GRID2: variants seen among roughly 807,000 people sequenced by gnomAD.
GRID2 encodes glutamate receptor ionotropic, delta-2.
A neutral mutation model predicts 114.8 loss-of-function variants in GRID2; 33 were observed. The ratio of observed to expected loss-of-function variants is 0.29; its 90% CI spans 0.22 to 0.38. GRID2 has a LOEUF of 0.38. Among genes scored for constraint, GRID2 ranks in the 10% least tolerant of loss-of-function variants. The probability of loss-of-function intolerance (pLI) is 1.00; values close to 1 mark genes in which losing one functional copy is unlikely to be tolerated. For synonymous variants in GRID2, 505 were observed against 449.9 expected, an observed-to-expected ratio of 1.12 and a Z score of -1.55; for missense variants, 1,184 against 1,257.7, an observed-to-expected ratio of 0.94 and a Z score of 0.89.
chr4:92,306,032 TACAC>T (rs1192592429), intron 1 of GRID2, among the ~76,000 whole-genome samples: 1 of 152,146 alleles, frequency 6.6e-6, no homozygotes, highest in African/African-American at 2.4e-5. Flanking sequence ...CGCATACACA[TACAC>T]ACACGCACGT....
chr4:93,778,923 C>A (rs1297182634), downstream of GRID2, among the ~76,000 whole-genome samples: 2 of 151,956 alleles, frequency 1.3e-5, no homozygotes, highest in African/African-American at 4.8e-5. Context: ...TGCAGTGCAG[C>A]AATATATACA....
chr4:92,865,083 T>G (rs985094778), intron 2 of GRID2, among the ~76,000 whole-genome samples: 2 of 152,170 alleles, frequency 1.3e-5, no homozygotes, highest in African/African-American at 4.8e-5. Flanking sequence ...CTGTAGGAGA[T>G]TGTTGTCTTA....
exon 2 of GRID2, chr4:93,807,225 C>A (rs1735050665): frequency 6.6e-6 from 1 of 152,184 alleles, no homozygotes; most frequent in Non-Finnish European, 1.5e-5. Flanking sequence ...GCTTTGTCCT[C>A]AGCTTCTATC....
At chr4:93,419,256 C>A (rs1271726874) in intron 9 of GRID2, among the ~76,000 whole-genome samples, 1 of 151,846 alleles carries the variant, frequency 6.6e-6, no homozygotes, top group African/African-American at 2.4e-5. Flanking sequence ...AACACCATAT[C>A]TCTCACTATA....
chr4:92,668,531 A>G (rs1045063126), intron 2 of GRID2, among the ~76,000 whole-genome samples: 2 of 151,766 alleles, frequency 1.3e-5, no homozygotes, highest in South Asian at 4.1e-4. Context: ...CTTACCTTAA[A>G]TTTTAGTGGA....
At chr4:92,885,889 C>G (rs905489360) in intron 2 of GRID2, among the ~76,000 whole-genome samples, 2 of 152,148 alleles carry the variant, frequency 1.3e-5, no homozygotes, top group African/African-American at 4.8e-5. Context: ...TATAGTAACT[C>G]TCAAGTAGGA....
intron 2 of GRID2, among the ~76,000 whole-genome samples, chr4:92,921,462 C>T (rs997942507): frequency 2.0e-5 from 3 of 151,992 alleles, no homozygotes; most frequent in Non-Finnish European, 4.4e-5. Context: ...GCTGTTTTTT[C>T]CTCATCTTTG....
At chr4:93,083,869 T>C (rs1020465678) in intron 2 of GRID2, among the ~76,000 whole-genome samples, 3 of 152,110 alleles carry the variant, frequency 2.0e-5, no homozygotes, top group Non-Finnish European at 4.4e-5. Context: ...ATTTATTTGA[T>C]GATGATATGC....
chr4:93,153,264 T>A (rs996272465), intron 4 of GRID2, among the ~76,000 whole-genome samples: 6 of 152,070 alleles, frequency 3.9e-5, no homozygotes, highest in Non-Finnish European at 8.8e-5. Flanking sequence ...TTTTTGAAAC[T>A]ATCTTCAGAA....
At chr4:93,795,754 T>C (rs910962146) in intron 1 of GRID2, among the ~76,000 whole-genome samples, 1 of 152,256 alleles carries the variant, frequency 6.6e-6, no homozygotes, top group African/African-American at 2.4e-5. Flanking sequence ...ATGTGTATAA[T>C]GCTACAGGTC....
intron 1 of GRID2, among the ~76,000 whole-genome samples, chr4:92,520,908 G>T (rs1724737012): frequency 6.6e-6 from 1 of 151,810 alleles, no homozygotes; most frequent in Admixed American, 6.6e-5. Flanking sequence ...TTAGAAATTT[G>T]GATTGTGGAT....
chr4:92,605,144 C>T (rs1323265324), intron 2 of GRID2, among the ~76,000 whole-genome samples: 1 of 151,966 alleles, frequency 6.6e-6, no homozygotes, highest in African/African-American at 2.4e-5. Context: ...AATCTCTTTC[C>T]TTTATAAATT....
At chr4:92,956,249 T>C (rs1560742386) in intron 2 of GRID2, among the ~76,000 whole-genome samples, 1 of 151,984 alleles carries the variant, frequency 6.6e-6, no homozygotes, top group Non-Finnish European at 1.5e-5. Context: ...CCAACCCGGG[T>C]TCACAGTTAA....
intron 1 of GRID2, among the ~76,000 whole-genome samples, chr4:92,549,570 G>T (rs944652413): frequency 1.3e-5 from 2 of 152,236 alleles, no homozygotes; most frequent in Non-Finnish European, 2.9e-5. Context: ...GGGACTGAGG[G>T]CTATTTAAGT....
At chr4:92,444,620 T>A (rs935571174) in intron 1 of GRID2, among the ~76,000 whole-genome samples, 5 of 152,066 alleles carry the variant, frequency 3.3e-5, no homozygotes, top group African/African-American at 9.7e-5. Flanking sequence ...GTCACAGGGG[T>A]TGCAATGGCT....
At chr4:93,581,885 C>T (rs562246991) in intron 13 of GRID2, among the ~76,000 whole-genome samples, 1 of 152,036 alleles carries the variant, frequency 6.6e-6, no homozygotes, top group Non-Finnish European at 1.5e-5. Context: ...AAAGAGATGC[C>T]ATGTTCTCTT....
chr4:93,706,809 C>T (rs1291400065), intron 14 of GRID2, among the ~76,000 whole-genome samples: 2 of 152,200 alleles, frequency 1.3e-5, no homozygotes, highest in East Asian at 1.9e-4. Flanking sequence ...AGAGGAAAGA[C>T]TTTCAGTTTT....
At chr4:92,668,862 A>G (rs554245660) in intron 2 of GRID2, among the ~76,000 whole-genome samples, 1 of 152,048 alleles carries the variant, frequency 6.6e-6, no homozygotes, top group African/African-American at 2.4e-5. Flanking sequence ...CATATTTACT[A>G]GATTGACAAC....
chr4:92,305,467 G>A (rs1220174068), intron 1 of GRID2, among the ~76,000 whole-genome samples: 4 of 152,156 alleles, frequency 2.6e-5, no homozygotes, highest in Non-Finnish European at 5.9e-5. Flanking sequence ...TGGGAAACGC[G>A]GGGAAGCGAA....
Sources: allele counts gnomAD v4.1 joint callset (sites outside exome capture counted in the v4.1 genomes callset), GRCh38; gene constraint gnomAD v4.1.1; transcripts MANE v1.5; gene names NCBI Gene and HGNC (gene_info 2026-07-23, HGNC 2026-07-21).